The following CALN1 variants were observed in gnomAD, a reference collection of about 807,000 sequenced individuals.
CALN1 encodes the protein calcium-binding protein 8.
In CALN1, 17 loss-of-function variants were observed where a neutral mutation model predicts 30.6. The ratio of observed to expected loss-of-function variants is 0.56; its 90% CI spans 0.38 to 0.83. The LOEUF (loss-of-function observed/expected upper bound fraction) is 0.83, where lower values mean the gene tolerates loss of function less well. Among genes scored for constraint, CALN1 ranks in the 40% least tolerant of loss-of-function variants. The pLI, the probability that CALN1 is intolerant of heterozygous loss-of-function variation, is 0.00. For missense variants in CALN1, 291 were observed against 354.9 expected (o/e 0.82, Z 1.45); for synonymous variants, 156 against 131.4 (o/e 1.19, Z -1.28).
chr7:71,789,823 A>G (rs1793211880), intron 6 of CALN1, among the ~76,000 whole-genome samples: 1 of 152,078 alleles, frequency 6.6e-6, no homozygotes, highest in Non-Finnish European at 1.5e-5. Flanking sequence ...AAATAACAAG[A>G]AAAAGCATTA....
At chr7:71,975,110 G>A (rs1190851679) in intron 5 of CALN1, among the ~76,000 whole-genome samples, 1 of 152,098 alleles carries the variant, frequency 6.6e-6, no homozygotes, top group East Asian at 1.9e-4. Context: ...GAAGGGTGCT[G>A]TGCAGGGACA....
chr7:72,181,108 C>CCA lies in CALN1; in HGVS notation c.245-74815_245-74814insTG, dbSNP rs1554308663. 5.3e-5 allele frequency among the ~76,000 whole-genome samples: 6 copies of CCA among 112,566 alleles called. No individual in the cohort carries two copies. In the South Asian group the frequency reaches 1.4e-3, roughly 27 times the overall value. 73.8% of individuals were successfully genotyped at this position (112,566 alleles called of 152,430 possible). Reference sequence around the variant, plus strand: ...GCGAAACTGCATAACCCCCCCCCCCCCCAAAAAAAAAAAAAATTTTTGGTA... The same window carrying CCA: ...GCGAAACTGCATAACCCCCCCCCCCCCACCAAAAAAAAAAAAAATTTTTGGTA... On this transcript the variant is annotated intron_variant, in intron 3 of 6. Transcript: ENST00000395275.
intron 3 of CALN1, among the ~76,000 whole-genome samples, chr7:72,231,372 G>A (rs1562772064): frequency 6.6e-6 from 1 of 152,196 alleles, no homozygotes; most frequent in Non-Finnish European, 1.5e-5. Context: ...TTACAAGTGA[G>A]AACATGCAGT....
At chr7:72,448,884 C>T (rs1390527219), upstream of CALN1, among the ~76,000 whole-genome samples, 1 of 152,154 alleles carries the variant, frequency 6.6e-6, no homozygotes, top group African/African-American at 2.4e-5. Context: ...GGATTACAGG[C>T]GTGAGCCACC....
At chr7:72,046,983 G>C (rs1802514620) in intron 4 of CALN1, among the ~76,000 whole-genome samples, 1 of 152,060 alleles carries the variant, frequency 6.6e-6, no homozygotes, top group Non-Finnish European at 1.5e-5. Context: ...AAAATCACCT[G>C]AGCCCAGGGA....
At chr7:72,167,603 C>T (rs1318051202) in intron 3 of CALN1, among the ~76,000 whole-genome samples, 2 of 152,208 alleles carry the variant, frequency 1.3e-5, no homozygotes, top group Admixed American at 1.3e-4. Flanking sequence ...CCTCAGCCTC[C>T]CAAAGTGCTG....
chr7:71,978,981 G>A (rs1798249342), intron 5 of CALN1, among the ~76,000 whole-genome samples: 2 of 152,162 alleles, frequency 1.3e-5, no homozygotes, highest in African/African-American at 4.8e-5. Context: ...AGAGAGAACA[G>A]CCTTTGAAGC....
At chr7:72,342,038 G>T (rs10216196) in intron 2 of CALN1, among the ~76,000 whole-genome samples, 1 of 151,810 alleles carries the variant, frequency 6.6e-6, no homozygotes, top group Non-Finnish European at 1.5e-5. Flanking sequence ...GATTACTGGA[G>T]GTTGGGAATT....
chr7:72,184,010 A>C (rs1357776621), intron 3 of CALN1, among the ~76,000 whole-genome samples: 6 of 152,092 alleles, frequency 3.9e-5, no homozygotes, highest in African/African-American at 1.4e-4. Flanking sequence ...AAGAAAATTG[A>C]ATTTACTCAA....
intron 3 of CALN1, among the ~76,000 whole-genome samples, chr7:72,181,912 C>T (rs1789838026): frequency 6.6e-6 from 1 of 152,200 alleles, no homozygotes; most frequent in Admixed American, 6.5e-5. Context: ...TATGTACCAG[C>T]ACTATCCAAA....
At chr7:71,847,841 G>GAGA (rs67577072) in intron 5 of CALN1, among the ~76,000 whole-genome samples, 6 of 87,276 alleles carry the variant, frequency 6.9e-5, no homozygotes, top group Admixed American at 5.1e-4. Context: ...GAAGGAGAAG[G>GAGA]AGAAGGAGAA....
intron 4 of CALN1, among the ~76,000 whole-genome samples, chr7:72,087,804 G>A (rs1471487208): frequency 1.3e-5 from 2 of 152,128 alleles, no homozygotes; most frequent in Non-Finnish European, 2.9e-5. Flanking sequence ...GAAATATGTG[G>A]AGCAAAAGCA....
At chr7:71,845,324 ACT>A (rs1336541623) in intron 5 of CALN1, among the ~76,000 whole-genome samples, 3 of 152,154 alleles carry the variant, frequency 2.0e-5, no homozygotes, top group Admixed American at 2.0e-4. Context: ...TTTGGCAAAC[ACT>A]CTGCCAGAAA....
At chr7:72,369,264 A>C (rs185430233) in intron 2 of CALN1, among the ~76,000 whole-genome samples, 2 of 149,726 alleles carry the variant, frequency 1.3e-5, no homozygotes, top group Non-Finnish European at 3.0e-5. Flanking sequence ...CACGTACATT[A>C]CGCAAAGTGT....
intron 3 of CALN1, among the ~76,000 whole-genome samples, chr7:72,150,000 A>G (rs908643414): frequency 1.2e-4 from 18 of 151,998 alleles, no homozygotes; most frequent in Non-Finnish European, 2.2e-4. Context: ...GCAGATGCCT[A>G]TAATCCAAGC....
At chr7:72,371,666 AGCATGTATGTAT>A (rs1167730463) in intron 2 of CALN1, among the ~76,000 whole-genome samples, 1 of 152,228 alleles carries the variant, frequency 6.6e-6, no homozygotes, top group Non-Finnish European at 1.5e-5. Context: ...GGACTAATGT[AGCATGTATGTAT>A]GCATGTATGT....
chr7:72,387,071 T>C (rs1355755765), intron 2 of CALN1, among the ~76,000 whole-genome samples: 4 of 150,932 alleles, frequency 2.7e-5, no homozygotes, highest in African/African-American at 7.3e-5. Flanking sequence ...CAGTTCCCAA[T>C]GGCCAAGGGT....
intron 4 of CALN1, among the ~76,000 whole-genome samples, chr7:72,060,257 G>C (rs1803556594): frequency 6.6e-6 from 1 of 152,160 alleles, no homozygotes; most frequent in South Asian, 2.1e-4. Context: ...CTTCTGATCA[G>C]TGGAACCATT....
intron 3 of CALN1, among the ~76,000 whole-genome samples, chr7:72,106,532 G>C (rs1329188388): frequency 4.0e-5 from 6 of 148,230 alleles, no homozygotes; most frequent in Non-Finnish European, 8.9e-5. Context: ...AATGAGAGAG[G>C]AAGAAAAAGA....
Sources: allele counts gnomAD v4.1 joint callset (sites outside exome capture counted in the v4.1 genomes callset), GRCh38; gene constraint gnomAD v4.1.1; transcripts MANE v1.5; gene names NCBI Gene and HGNC (gene_info 2026-07-23, HGNC 2026-07-21).